Variants in CAMKMT observed in about 807,000 individuals in gnomAD.
The protein encoded by CAMKMT is calmodulin-lysine N-methyltransferase.
A neutral mutation model predicts 48.0 loss-of-function variants in CAMKMT; 53 were observed. That is an observed-to-expected ratio of 1.10 (90% CI 0.89 to 1.39). CAMKMT has a LOEUF of 1.39. CAMKMT is among the 40% of genes most tolerant of loss of function. CAMKMT has a pLI of 0.00. For missense variants in CAMKMT, 428 were observed against 402.7 expected (o/e 1.06, Z -0.54); for synonymous variants, 165 against 152.3 (o/e 1.08, Z -0.61).
intron 3 of CAMKMT, among the ~76,000 whole-genome samples, chr2:44,412,315 G>A (rs1246838420): frequency 6.6e-6 from 1 of 151,826 alleles, no homozygotes; most frequent in Non-Finnish European, 1.5e-5. Flanking sequence ...CCATTATAAT[G>A]TTTGTTTAAG....
chr2:44,407,701 A>T (rs1238655380), intron 3 of CAMKMT, among the ~76,000 whole-genome samples: 3 of 152,184 alleles, frequency 2.0e-5, no homozygotes, highest in African/African-American at 7.2e-5. Context: ...CCATGGCTAA[A>T]AGGATTAGGA....
chr2:44,386,151 T>C (rs1044603981), intron 2 of CAMKMT, among the ~76,000 whole-genome samples: 7 of 152,136 alleles, frequency 4.6e-5, no homozygotes, highest in Non-Finnish European at 1.0e-4. Context: ...TCAGTCTCGC[T>C]GCTTGTTATT....
At chr2:44,677,038 T>C (rs1283271894) in intron 3 of CAMKMT, among the ~76,000 whole-genome samples, 2 of 152,196 alleles carry the variant, frequency 1.3e-5, no homozygotes, top group African/African-American at 2.4e-5. Flanking sequence ...GGACAGTGAC[T>C]GTGCTGACCC....
At chr2:44,492,889 C>CTTTTTTTTTTTTTT (rs11400501) in intron 3 of CAMKMT, among the ~76,000 whole-genome samples, 3 of 142,858 alleles carry the variant, frequency 2.1e-5, no homozygotes, top group Non-Finnish European at 3.0e-5. Context: ...CATATTGTAT[C>CTTTTTTTTTTTTTT]TTTTTTTTTT....
intron 3 of CAMKMT, among the ~76,000 whole-genome samples, chr2:44,520,441 C>T (rs774615281): frequency 7.9e-5 from 12 of 152,044 alleles, no homozygotes; most frequent in African/African-American, 1.2e-4. Context: ...AATTACTATG[C>T]AATACTTCTA....
intron 3 of CAMKMT, among the ~76,000 whole-genome samples, chr2:44,606,753 G>T (rs567933566): frequency 2.0e-5 from 3 of 151,698 alleles, no homozygotes; most frequent in African/African-American, 7.3e-5. Context: ...GCCTGCTATA[G>T]AATTTGAGTT....
At chr2:44,387,902 G>A (rs1393912278) in intron 2 of CAMKMT, among the ~76,000 whole-genome samples, 1 of 152,196 alleles carries the variant, frequency 6.6e-6, no homozygotes, top group Non-Finnish European at 1.5e-5. Flanking sequence ...GAAATCTGCT[G>A]TTGATCTGAT....
chr2:44,390,632 G>T (rs1011586734), intron 3 of CAMKMT, among the ~76,000 whole-genome samples: 4 of 151,844 alleles, frequency 2.6e-5, no homozygotes, highest in Non-Finnish European at 4.4e-5. Context: ...TTTCCATTTT[G>T]ACCTCAGTTA....
chr2:44,429,426 T>A (rs1482918479), intron 3 of CAMKMT, among the ~76,000 whole-genome samples: 1 of 152,152 alleles, frequency 6.6e-6, no homozygotes, highest in Admixed American at 6.5e-5. Context: ...GCTGGACCTG[T>A]ATCTCTTTGC....
At chr2:44,667,690 C>T (rs1675075481) in intron 3 of CAMKMT, among the ~76,000 whole-genome samples, 2 of 152,184 alleles carry the variant, frequency 1.3e-5, no homozygotes, top group Admixed American at 1.3e-4. Flanking sequence ...CAGACCTTGT[C>T]ATCACCAATA....
intron 3 of CAMKMT, among the ~76,000 whole-genome samples, chr2:44,453,321 A>G (rs909171964): frequency 1.3e-5 from 2 of 152,200 alleles, no homozygotes; most frequent in East Asian, 1.9e-4. Flanking sequence ...AATGGAAAAT[A>G]TCTATTAGCT....
chr2:44,591,696 A>G (rs948564940), intron 3 of CAMKMT, among the ~76,000 whole-genome samples: 1 of 151,770 alleles, frequency 6.6e-6, no homozygotes, highest in African/African-American at 2.4e-5. Context: ...CATTTGACCC[A>G]GCCATCCCAT....
chr2:44,575,883 C>A lies in CAMKMT; in HGVS notation c.377-128400C>A, dbSNP rs189182987. Among the ~76,000 whole-genome samples the A allele has an allele frequency of 4.6e-5, 7 of 152,082 alleles. No individual in the cohort carries two copies. In the East Asian group the frequency reaches 1.4e-3, roughly 29 times the overall value. On this transcript the variant is annotated intron_variant, in intron 3 of 10. Coordinates refer to ENST00000378494, the MANE Select transcript of CAMKMT (RefSeq NM_024766.5). Reference sequence around the variant, plus strand: ...AAAAAATTTAAAAAATTGTTAAGTGCTTGTAAAGTATGAGTGAGACTCTAA... The same window carrying A: ...AAAAAATTTAAAAAATTGTTAAGTGATTGTAAAGTATGAGTGAGACTCTAA...
chr2:44,369,639 G>A (rs2104348521), intron 1 of CAMKMT: 1 of 152,256 alleles, frequency 6.6e-6, no homozygotes, highest in East Asian at 1.9e-4. Context: ...TATCACTTTA[G>A]CTGTGATCTT....
intron 3 of CAMKMT, among the ~76,000 whole-genome samples, chr2:44,663,345 AC>A (rs1674780742): frequency 6.6e-6 from 1 of 152,220 alleles, no homozygotes; most frequent in Non-Finnish European, 1.5e-5. Context: ...TGTGTGGATT[AC>A]CCACTCCTTT....
At chr2:44,557,045 T>C (rs962614653) in intron 3 of CAMKMT, among the ~76,000 whole-genome samples, 1 of 152,232 alleles carries the variant, frequency 6.6e-6, no homozygotes, top group South Asian at 2.1e-4. Context: ...CTTTCACCTA[T>C]GTGGTTTGCT....
chr2:44,674,849 C>T (rs552070680), intron 3 of CAMKMT, among the ~76,000 whole-genome samples: 1 of 152,074 alleles, frequency 6.6e-6, no homozygotes, highest in African/African-American at 2.4e-5. Flanking sequence ...CTAATAGCCT[C>T]ACATTCTTGG....
intron 3 of CAMKMT, chr2:44,394,838 T>C (rs190177797): frequency 2.2e-6 from 1 of 454,070 alleles, no homozygotes; most frequent in African/African-American, 2.0e-5. Context: ...TTTGGGGTGG[T>C]AATCAGTTAT....
chr2:44,413,969 T>G (rs1683383772), intron 3 of CAMKMT, among the ~76,000 whole-genome samples: 4 of 152,220 alleles, frequency 2.6e-5, no homozygotes, highest in Admixed American at 2.6e-4. Flanking sequence ...TAGTAATATT[T>G]TAGCTTTCTA....
Sources: allele counts gnomAD v4.1 joint callset (sites outside exome capture counted in the v4.1 genomes callset), GRCh38; gene constraint gnomAD v4.1.1; transcripts MANE v1.5; gene names NCBI Gene and HGNC (gene_info 2026-07-23, HGNC 2026-07-21).